The following ASNS variants were observed in gnomAD, a reference collection of about 807,000 sequenced individuals.
The protein encoded by ASNS is asparagine synthetase [glutamine-hydrolyzing].
ASNS carries 37 observed loss-of-function variants against 62.6 expected under a neutral mutation model. The ratio of observed to expected loss-of-function variants is 0.59; its 90% CI spans 0.45 to 0.78. The LOEUF (loss-of-function observed/expected upper bound fraction) is 0.78, where lower values mean the gene tolerates loss of function less well. Among genes scored for constraint, ASNS ranks in the 30% least tolerant of loss-of-function variants. The pLI is 0.00. For missense variants in ASNS, 520 were observed against 682.4 expected, an observed-to-expected ratio of 0.76 and a Z score of 2.65; for synonymous variants, 207 against 237.9, an observed-to-expected ratio of 0.87 and a Z score of 1.19.
chr7:97,918,699 G>T, the ASNS span, among the ~76,000 whole-genome samples: 1 of 152,162 alleles, frequency 6.6e-6, no homozygotes, highest in Non-Finnish European at 1.5e-5. Context: ...AACTCTGCGG[G>T]TTCTCACTCA....
At chr7:97,879,703 A>T in the ASNS span, among the ~76,000 whole-genome samples, 1 of 152,228 alleles carries the variant, frequency 6.6e-6, no homozygotes, top group Non-Finnish European at 1.5e-5. Flanking sequence ...GCCCTGGCTG[A>T]CATTATGGTT....
At chr7:97,900,844 T>C in the ASNS span, among the ~76,000 whole-genome samples, 2 of 152,032 alleles carry the variant, frequency 1.3e-5, no homozygotes, top group Non-Finnish European at 2.9e-5. Flanking sequence ...CTGTACTAGA[T>C]TTTTTATTTT....
rs1425204823 is a variant in ASNS at position 97,856,678 on chromosome 7, A to G, written c.1030+12T>C. 1.3e-6 allele frequency: 2 copies of G among 1,579,266 alleles called. No homozygotes were observed. The highest frequency in any genetic ancestry group is 1.2e-5 in the South Asian group (1 of 84,478). ...AAAAAGCTTTTTATTTAAGAATATC[A>G]TAATACCTTACCTACTGAAGCACGA... On this transcript the variant is annotated intron_variant, in intron 8 of 12. Transcript: ENST00000394308.
the ASNS span, among the ~76,000 whole-genome samples, chr7:97,891,069 A>T: frequency 7.1e-6 from 1 of 140,892 alleles, no homozygotes; most frequent in Non-Finnish European, 1.6e-5. Context: ...CCTGACTGAG[A>T]CTGGGCAATT....
the ASNS span, among the ~76,000 whole-genome samples, chr7:97,895,988 G>GAA: frequency 1.5e-5 from 2 of 135,938 alleles, no homozygotes; most frequent in African/African-American, 6.0e-5. Flanking sequence ...CAAGGATGAG[G>GAA]AAAAAAAAAA....
chr7:97,927,162 C>A, the ASNS span, among the ~76,000 whole-genome samples: 6,172 of 139,804 alleles, frequency 0.044, 272 homozygotes, highest in African/African-American at 0.12. Flanking sequence ...TCAAGCGATC[C>A]TCCCCCTTCG....
chr7:97,882,666 A>G, the ASNS span, among the ~76,000 whole-genome samples: 1,263 of 152,188 alleles, frequency 8.3e-3, 10 homozygotes, highest in Non-Finnish European at 0.013. Context: ...ATGAACACCA[A>G]ACTAGAATCA....
At chr7:97,883,995 A>AG in the ASNS span, among the ~76,000 whole-genome samples, 1 of 151,646 alleles carries the variant, frequency 6.6e-6, no homozygotes, top group African/African-American at 2.4e-5. Flanking sequence ...CTCAAAAAAA[A>AG]AAAAAAAAAA....
chr7:97,857,586 G>C (rs1584462233), intron 7 of ASNS, among the ~76,000 whole-genome samples: 1 of 138,626 alleles, frequency 7.2e-6, no homozygotes, highest in East Asian at 2.3e-4. Context: ...AAAGTCTGCA[G>C]TCTTAGCCAT....
At chr7:97,903,869 G>A in the ASNS span, among the ~76,000 whole-genome samples, 1 of 152,196 alleles carries the variant, frequency 6.6e-6, no homozygotes, top group African/African-American at 2.4e-5. Context: ...GGACAACAAA[G>A]CAAAAGCATT....
At position 97,853,231 on chromosome 7, in the gene ASNS, A is replaced by C. The variant is rs1220614478; in HGVS notation, c.1321-16T>G. 7 of 1,606,058 alleles carry C rather than the reference A, an allele frequency of 4.4e-6. No homozygotes were observed. Among genetic ancestry groups the C allele is most frequent in the Non-Finnish European group, 5.1e-6 (6 of 1,175,700 alleles). ...CTATCCCATTCTGACGTGACAAAAA[A>C]AGGAGCATCAGGTAAAAATTACAAA... On this transcript the variant is annotated splice_polypyrimidine_tract_variant and intron_variant, in intron 11 of 12. Coordinates refer to ENST00000394308, the MANE Select transcript of ASNS (RefSeq NM_001673.5).
chr7:97,858,950 C>T lies in ASNS; in HGVS notation c.679G>A (p.Glu227Lys). The change falls in exon 6 of 13, where the codon GAG becomes AAG. Residue 227 changes from glutamate (E) to lysine (K), a missense_variant. Physicochemically the swap from Glu to Lys is moderately conservative, Grantham distance 56 (BLOSUM62 1). Coordinates refer to ENST00000394308, the MANE Select transcript of ASNS (RefSeq NM_001673.5). ...DNVEKLFPGF[E>K]IETVKNNLRI... is the part of the protein sequence containing the mutation. ...AGGTTGTTCTTCACAGTTTCTATCT[C>T]AAAACCTATAAACACAGCAGTAAAT... The T allele has an allele frequency of 1.9e-6, 3 of 1,610,900 alleles. No homozygotes were observed. Among genetic ancestry groups the T allele is most frequent in the Non-Finnish European group, 2.5e-6 (3 of 1,179,198 alleles).
At chr7:97,870,342 G>T in intron 1 of ASNS, 1 of 389,116 alleles carries the variant, frequency 2.6e-6, no homozygotes, top group Non-Finnish European at 4.6e-6. Context: ...TAACTATTTT[G>T]GTGTTTTTTT....
intron 3 of ASNS, among the ~76,000 whole-genome samples, chr7:97,866,078 A>C (rs763265581): frequency 6.6e-6 from 1 of 152,202 alleles, no homozygotes; most frequent in Non-Finnish European, 1.5e-5. Context: ...CTCTAAATTT[A>C]AGTTAAGATA....
chr7:97,907,313 A>G, the ASNS span, among the ~76,000 whole-genome samples: 1 of 152,224 alleles, frequency 6.6e-6, no homozygotes, highest in African/African-American at 2.4e-5. Flanking sequence ...CTCCCTTATA[A>G]ATCAAGACAG....
intron 4 of ASNS, 53 bp from the exon 5 acceptor site, chr7:97,859,451 C>T (rs1318878660): frequency 2.0e-6 from 3 of 1,505,134 alleles, no homozygotes; most frequent in Non-Finnish European, 2.7e-6. Flanking sequence ...TTCCCAATAA[C>T]TTTCACGATT....
the ASNS span, among the ~76,000 whole-genome samples, chr7:97,909,861 A>G: frequency 6.6e-6 from 1 of 152,130 alleles, no homozygotes; most frequent in Admixed American, 6.5e-5. Flanking sequence ...ACACAACTGA[A>G]GGGCAAAAAG....
intron 1 of ASNS, among the ~76,000 whole-genome samples, chr7:97,871,041 G>C (rs1052998982): frequency 1.3e-5 from 2 of 152,078 alleles, no homozygotes; most frequent in Non-Finnish European, 2.9e-5. Flanking sequence ...GAACAGTGCT[G>C]TCCAATAAAT....
chr7:97,895,155 T>G, the ASNS span, among the ~76,000 whole-genome samples: 1 of 152,222 alleles, frequency 6.6e-6, no homozygotes, highest in Non-Finnish European at 1.5e-5. Flanking sequence ...GAAAAATCAC[T>G]CAGTAAAACT....
Sources: gnomAD v4.1 joint callset for allele counts (sites outside exome capture counted in the v4.1 genomes callset) on GRCh38, gnomAD v4.1.1 for gene constraint, MANE v1.5 for transcripts, NCBI Gene and HGNC (gene_info 2026-07-23, HGNC 2026-07-21) for gene names.